Variants in MYCBP2 observed in about 807,000 individuals in gnomAD.
MYCBP2 encodes the protein E3 ubiquitin-protein ligase MYCBP2.
MYCBP2 carries 120 observed loss-of-function variants against 525.3 expected under a neutral mutation model. That is an observed-to-expected ratio of 0.23 (90% CI 0.20 to 0.27). The LOEUF (loss-of-function observed/expected upper bound fraction) is 0.27. Ranked by LOEUF, MYCBP2 falls within the 10% of genes least tolerant of loss-of-function variation. The pLI, the probability that MYCBP2 is intolerant of heterozygous loss-of-function variation, is 1.00. For synonymous variants in MYCBP2, 1,894 were observed against 1,955.8 expected (o/e 0.97, Z 0.83); for missense variants, 4,149 against 5,657.1 (o/e 0.73, Z 8.55).
chr13:77,274,573 T>C (rs1288945376), intron 4 of MYCBP2, among the ~76,000 whole-genome samples: 1 of 152,218 alleles, frequency 6.6e-6, no homozygotes, highest in Non-Finnish European at 1.5e-5. Flanking sequence ...GTGGGTTATC[T>C]GGTAACTTAC....
intron 30 of MYCBP2, among the ~76,000 whole-genome samples, 200 bp from the exon 31 acceptor site, chr13:77,186,263 T>C (rs900259366): frequency 2.0e-5 from 3 of 152,170 alleles, no homozygotes; most frequent in Admixed American, 6.5e-5. Flanking sequence ...AACTTTGAAG[T>C]TTGTTACAAA....
At position 77,288,229 on chromosome 13, in the gene MYCBP2, C is replaced by T. The variant is rs150236976; in HGVS notation, c.526G>A (p.Val176Met). Reference protein sequence around the residue: ...ISLAAASKNSVQSGESDSDEE... With the variant: ...ISLAAASKNSMQSGESDSDEE... ...TCACTATCTGATTCTCCACTCTGCA[C>T]AGAGTTCTTAGATGCGGCTGCCAAT... The change falls in exon 3 of 83, where the codon GTG (valine) becomes ATG (methionine). Residue 176 changes from valine (V) to methionine (M), a missense_variant. Val to Met is a conservative substitution (Grantham distance 21). Around this residue, in one of 21 missense-constraint regions of MYCBP2, gnomAD observed 413 missense variants for 451.2 expected, o/e 0.92. Transcript: ENST00000544440. The T allele has an allele frequency of 2.5e-6, 4 of 1,614,174 alleles. No individual in the cohort carries two copies. The African/African-American group carries it at 4.0e-5, about 16-fold the overall frequency.
At chr13:77,325,794 A>G (rs1310547212) in intron 1 of MYCBP2, among the ~76,000 whole-genome samples, 14 of 152,214 alleles carry the variant, frequency 9.2e-5, no homozygotes, top group Admixed American at 9.2e-4. Context: ...CTAGAAGACC[A>G]AAAGGCCCGG....
intron 55 of MYCBP2, among the ~76,000 whole-genome samples, chr13:77,106,883 T>C (rs977706785): frequency 1.2e-4 from 19 of 152,162 alleles, no homozygotes; most frequent in African/African-American, 4.6e-4. Flanking sequence ...TTCTTCAATC[T>C]TCATCCTCCT....
At chr13:77,084,775 T>C (rs1299935780) in intron 62 of MYCBP2, among the ~76,000 whole-genome samples, 4 of 152,084 alleles carry the variant, frequency 2.6e-5, no homozygotes, top group African/African-American at 7.2e-5. Context: ...TCCAGAGAAA[T>C]TGCATGCCCA....
chr13:77,125,346 T>A lies in MYCBP2; in HGVS notation c.8007A>T (p.Arg2669=). The A allele has an allele frequency of 6.2e-7, 1 of 1,613,544 alleles. No individual in the cohort carries two copies. Among genetic ancestry groups the A allele is most frequent in the Non-Finnish European group, 8.5e-7 (1 of 1,179,694 alleles). ...TTTAAGCCAACTTGCCATCTTCATGTCGGAGGTACTGGTTTCCGCCTCTGT... is the reference window on the plus strand; with the variant it reads ...TTTAAGCCAACTTGCCATCTTCATGACGGAGGTACTGGTTTCCGCCTCTGT... ...ARDRGGNQYL[R]HEDEQALLDQ... is the part of the protein sequence containing the mutation. Residue 2669 remains arginine (R), a synonymous_variant, in exon 54 of 83, where the codon CGA becomes CGT. Transcript: ENST00000544440.
At chr13:77,262,192 G>T in intron 10 of MYCBP2, 63 bp from the exon 11 acceptor site, 2 of 1,346,766 alleles carry the variant, frequency 1.5e-6, no homozygotes, top group Non-Finnish European at 1.0e-6. Flanking sequence ...AATACAACAT[G>T]CACTATTTTA....
chr13:77,095,091 T>A (rs2046038948), intron 58 of MYCBP2, among the ~76,000 whole-genome samples: 1 of 151,924 alleles, frequency 6.6e-6, no homozygotes, highest in Non-Finnish European at 1.5e-5. Context: ...TACCAAAGAG[T>A]AAAAGATAGC....
Position 77,169,569 on chromosome 13 carries a change from G to A in MYCBP2, c.5895+45C>T, listed in dbSNP as rs528369908. ...AGACACAAAGTCTTTTTTTAAAAAA[G>A]ATATTTAAAAAAAACATTCAAAGTT... On this transcript the variant is annotated intron_variant, in intron 39 of 82. Coordinates refer to ENST00000544440, the MANE Select transcript of MYCBP2 (RefSeq NM_015057.5). 4.6e-6 allele frequency: 7 copies of A among 1,517,954 alleles called. No homozygotes were observed. In the African/African-American group the frequency reaches 9.7e-5, roughly 21 times the overall value. 94.0% of individuals were successfully genotyped at this position (1,517,954 alleles called of 1,614,324 possible).
At position 77,045,511 on chromosome 13, in the gene MYCBP2, A is replaced by G. The variant is rs1400687993; in HGVS notation, c.13922-18T>C. On this transcript the variant is annotated intron_variant, in intron 82 of 82. Coordinates refer to ENST00000544440, the MANE Select transcript of MYCBP2 (RefSeq NM_015057.5). ...TTTGGGACCTGTATAAATTTGAAGGAGGCAAAGGAAAATAATGTTTTAAGA... is the reference window on the plus strand; with the variant it reads ...TTTGGGACCTGTATAAATTTGAAGGGGGCAAAGGAAAATAATGTTTTAAGA... 2 of 1,521,552 alleles carry G rather than the reference A, an allele frequency of 1.3e-6. No homozygotes were observed. The highest frequency in any genetic ancestry group is 9.1e-7 in the Non-Finnish European group (1 of 1,097,502). The allele number at this position is 1,521,552 out of a possible 1,614,324, so 94.3% of individuals were successfully genotyped here. A position where few individuals can be genotyped will look rare whatever the true frequency, so the allele number is the denominator to read the frequency against.
At chr13:77,057,218 T>A (rs1594089431) in intron 78 of MYCBP2, 125 bp from the exon 79 acceptor site, 1 of 630,848 alleles carries the variant, frequency 1.6e-6, no homozygotes, top group Non-Finnish European at 2.7e-6. Flanking sequence ...AAATTTACTA[T>A]AATGAAAATT....
chr13:77,095,148 T>C (rs1258193518), intron 58 of MYCBP2, among the ~76,000 whole-genome samples: 5 of 152,100 alleles, frequency 3.3e-5, no homozygotes, highest in African/African-American at 4.8e-5. Context: ...ACAATGCAAA[T>C]TGATGAAGCA....
chr13:77,093,396 TCTCTTTCATAACA>T (rs1594464317), intron 58 of MYCBP2, 64 bp from the exon 59 acceptor site: 1 of 1,413,674 alleles, frequency 7.1e-7, no homozygotes, highest in East Asian at 2.4e-5. Context: ...CCATTTTTAA[TCTCTTTCATAACA>T]GGAAAAGCAG....
chr13:77,254,955 T>A (rs1242580490), intron 14 of MYCBP2, among the ~76,000 whole-genome samples: 1 of 152,024 alleles, frequency 6.6e-6, no homozygotes, highest in African/African-American at 2.4e-5. Context: ...GGATGAATAA[T>A]ATTCTATTGT....
At chr13:77,064,051 T>C (rs771933927) in intron 73 of MYCBP2, among the ~76,000 whole-genome samples, 15 of 152,206 alleles carry the variant, frequency 9.9e-5, no homozygotes, top group South Asian at 2.1e-4. Flanking sequence ...TGGAAGTATA[T>C]GGGACATGAA....
chr13:77,154,114 T>C (rs2056910412), intron 46 of MYCBP2, among the ~76,000 whole-genome samples: 1 of 152,194 alleles, frequency 6.6e-6, no homozygotes, highest in South Asian at 2.1e-4. Context: ...TAAGACTTCA[T>C]ATACTAATAG....
intron 52 of MYCBP2, among the ~76,000 whole-genome samples, chr13:77,136,651 T>C (rs1384942666): frequency 6.6e-6 from 1 of 152,156 alleles, no homozygotes; most frequent in Non-Finnish European, 1.5e-5. Flanking sequence ...GGCCCAGTAA[T>C]CCTTCAAACA....
intron 18 of MYCBP2, among the ~76,000 whole-genome samples, chr13:77,226,009 T>C (rs1319376111): frequency 1.3e-5 from 2 of 152,196 alleles, no homozygotes; most frequent in South Asian, 2.1e-4. Flanking sequence ...ATTTCCTAAA[T>C]AGATCTTAGA....
At chr13:77,070,320 CT>C (rs1222599954) in intron 69 of MYCBP2, among the ~76,000 whole-genome samples, 2 of 152,194 alleles carry the variant, frequency 1.3e-5, no homozygotes, top group African/African-American at 4.8e-5. Context: ...CTCATCCAAC[CT>C]GCAGCCGGGG....
Sources: allele counts gnomAD v4.1 joint callset (sites outside exome capture counted in the v4.1 genomes callset), GRCh38; gene constraint gnomAD v4.1.1; regional missense constraint gnomAD v4.1.1; transcripts MANE v1.5; gene names NCBI Gene and HGNC (gene_info 2026-07-23, HGNC 2026-07-21).